PARD3: variants seen among roughly 807,000 people sequenced by gnomAD.
The protein encoded by PARD3 is partitioning defective 3 homolog.
Under a neutral mutation model 155.4 loss-of-function variants are expected in PARD3, and 75 were observed. The observed-to-expected ratio is 0.48, with a 90% CI of 0.40 to 0.58. The LOEUF is 0.58. Ranked by LOEUF, PARD3 falls within the 20% of genes least tolerant of loss-of-function variation. PARD3 has a pLI of 0.00. For missense variants in PARD3, 1,642 were observed against 1,721.7 expected, an observed-to-expected ratio of 0.95 and a Z score of 0.82; for synonymous variants, 576 against 610.5, an observed-to-expected ratio of 0.94 and a Z score of 0.83.
Position 34,439,544 on chromosome 10 carries a change from G to A in PARD3, c.714+10773C>T, listed in dbSNP as rs556074260. ...GCAATCTTGGCTTACTGCAACCTCT[G>A]CCTCCCACGTTCAAATGATTATCCT... On this transcript the variant is annotated intron_variant, in intron 5 of 24. Coordinates refer to ENST00000374788, the MANE Select transcript of PARD3 (RefSeq NM_001184785.2). 1.3e-3 allele frequency among the ~76,000 whole-genome samples: 202 copies of A among 152,088 alleles called. 1 individual carries two copies. The highest frequency in any genetic ancestry group is 4.5e-3 in the African/African-American group (187 of 41,490).
intron 1 of PARD3, among the ~76,000 whole-genome samples, chr10:34,698,464 A>G (rs983999033): frequency 6.6e-6 from 1 of 152,022 alleles, no homozygotes; most frequent in African/African-American, 2.4e-5. Flanking sequence ...GTCCATCAAG[A>G]CTTCTCAGGC....
intron 22 of PARD3, among the ~76,000 whole-genome samples, chr10:34,206,722 G>A (rs1412631513): frequency 2.0e-5 from 3 of 152,164 alleles, no homozygotes; most frequent in African/African-American, 7.2e-5. Flanking sequence ...TCTAGAAAAA[G>A]GGTGGTAACT....
chr10:34,750,615 T>C (rs920840792), intron 1 of PARD3, among the ~76,000 whole-genome samples: 1 of 152,136 alleles, frequency 6.6e-6, no homozygotes, highest in Non-Finnish European at 1.5e-5. Context: ...TTATTTCTTC[T>C]CTGAACTAAT....
intron 2 of PARD3, among the ~76,000 whole-genome samples, chr10:34,526,372 C>A (rs1048171788): frequency 6.6e-6 from 1 of 152,180 alleles, no homozygotes; most frequent in African/African-American, 2.4e-5. Context: ...CCAGTCCCTA[C>A]GCTGTAATAG....
intron 2 of PARD3, among the ~76,000 whole-genome samples, chr10:34,537,527 G>A (rs1362960928): frequency 6.6e-6 from 1 of 152,120 alleles, no homozygotes; most frequent in Non-Finnish European, 1.5e-5. Flanking sequence ...AACCAACCCA[G>A]ACCTTGACTA....
At chr10:34,792,406 T>C (rs1002531699) in intron 1 of PARD3, among the ~76,000 whole-genome samples, 1 of 152,180 alleles carries the variant, frequency 6.6e-6, no homozygotes, top group African/African-American at 2.4e-5. Flanking sequence ...TTTTCTTTAC[T>C]ACAGTAGCAC....
intron 11 of PARD3, 86 bp from the exon 12 acceptor site, chr10:34,372,622 AT>A (rs1840804727): frequency 1.0e-6 from 1 of 979,402 alleles, no homozygotes; most frequent in Admixed American, 1.9e-5. Flanking sequence ...TTTAAAGAAA[AT>A]TTTGTTGATT....
At chr10:34,545,074 A>G (rs2083934727) in intron 2 of PARD3, among the ~76,000 whole-genome samples, 1 of 152,182 alleles carries the variant, frequency 6.6e-6, no homozygotes, top group Admixed American at 6.5e-5. Flanking sequence ...GAGCTTCAAA[A>G]CCCAACATGC....
rs190390065 is a variant in PARD3 at position 34,793,511 on chromosome 10, G to A, written c.120+21365C>T. The stretch of plus-strand genomic sequence containing the variant: ...AGAAAGTTTACTCTGGGAAGGCTGG[G>A]CACGGTGCCTCACACCTGTAATCCC... On this transcript the variant is annotated intron_variant, in intron 1 of 24. Coordinates refer to ENST00000374788, the MANE Select transcript of PARD3 (RefSeq NM_001184785.2). Among the ~76,000 whole-genome samples the A allele has an allele frequency of 1.4e-4, 21 of 152,346 alleles. No homozygotes were observed. The East Asian group carries it at 3.9e-3, about 28-fold the overall frequency.
At chr10:34,751,154 T>A (rs1230729409) in intron 1 of PARD3, among the ~76,000 whole-genome samples, 1 of 151,988 alleles carries the variant, frequency 6.6e-6, no homozygotes, top group South Asian at 2.1e-4. Flanking sequence ...ATTAAGTCCA[T>A]CCATTCAGCT....
At chr10:34,386,362 G>A (rs995540690) in intron 7 of PARD3, among the ~76,000 whole-genome samples, 1 of 152,052 alleles carries the variant, frequency 6.6e-6, no homozygotes, top group Non-Finnish European at 1.5e-5. Context: ...TTATCTTCAG[G>A]AGCAACTTAA....
At chr10:34,497,489 G>A (rs1366650599) in intron 3 of PARD3, among the ~76,000 whole-genome samples, 1 of 152,100 alleles carries the variant, frequency 6.6e-6, no homozygotes, top group Non-Finnish European at 1.5e-5. Context: ...GATACTGAAG[G>A]ATGACAGTGA....
intron 3 of PARD3, among the ~76,000 whole-genome samples, chr10:34,500,963 T>C (rs979005311): frequency 3.3e-5 from 5 of 152,132 alleles, no homozygotes; most frequent in Admixed American, 2.0e-4. Context: ...CACTAAAAAA[T>C]TACTATATTA....
intron 7 of PARD3, among the ~76,000 whole-genome samples, chr10:34,393,877 A>G (rs1843073951): frequency 7.0e-6 from 1 of 143,748 alleles, no homozygotes; most frequent in Non-Finnish European, 1.5e-5. Flanking sequence ...TTGCTCTGTC[A>G]CCTGGGCTAG....
intron 2 of PARD3, among the ~76,000 whole-genome samples, chr10:34,644,739 A>G (rs1257659866): frequency 6.6e-6 from 1 of 152,164 alleles, no homozygotes; most frequent in African/African-American, 2.4e-5. Flanking sequence ...AATTTAGCAC[A>G]CACAGGTCTG....
At chr10:34,574,650 T>C (rs2086744806) in intron 2 of PARD3, among the ~76,000 whole-genome samples, 1 of 152,078 alleles carries the variant, frequency 6.6e-6, no homozygotes, top group South Asian at 2.1e-4. Context: ...CCCAATTCAC[T>C]CTTCTATGGG....
chr10:34,676,426 C>T (rs770530586), intron 2 of PARD3, among the ~76,000 whole-genome samples: 3 of 152,136 alleles, frequency 2.0e-5, no homozygotes, highest in African/African-American at 7.2e-5. Context: ...GAATTTTGTA[C>T]AAGAAGTCTA....
At chr10:34,465,001 G>A (rs2077915410) in intron 4 of PARD3, among the ~76,000 whole-genome samples, 2 of 152,080 alleles carry the variant, frequency 1.3e-5, no homozygotes, top group African/African-American at 4.8e-5. Flanking sequence ...GTGGACTACT[G>A]CACATAACCC....
At chr10:34,566,823 A>G (rs2085981990) in intron 2 of PARD3, among the ~76,000 whole-genome samples, 1 of 152,184 alleles carries the variant, frequency 6.6e-6, no homozygotes, top group South Asian at 2.1e-4. Flanking sequence ...CACTGATGTG[A>G]CTGCTGTTGA....
Sources: allele counts gnomAD v4.1 joint callset (sites outside exome capture counted in the v4.1 genomes callset), GRCh38; gene constraint gnomAD v4.1.1; transcripts MANE v1.5; gene names NCBI Gene and HGNC (gene_info 2026-07-23, HGNC 2026-07-21).